The following LRIF1 variants were observed in gnomAD, a reference collection of about 807,000 sequenced individuals.
LRIF1 encodes the protein ligand-dependent nuclear receptor-interacting factor 1.
LRIF1 carries 32 observed loss-of-function variants against 52.7 expected under a neutral mutation model. That is an observed-to-expected ratio of 0.61 (90% CI 0.46 to 0.82). The LOEUF (loss-of-function observed/expected upper bound fraction) is 0.82, where lower values mean the gene tolerates loss of function less well. Ranked by LOEUF, LRIF1 falls within the 40% of genes least tolerant of loss-of-function variation. The pLI, the probability that LRIF1 is intolerant of heterozygous loss-of-function variation, is 0.00. For synonymous variants in LRIF1, 323 were observed against 317.4 expected, an observed-to-expected ratio of 1.02 and a Z score of -0.19; for missense variants, 887 against 892.0, an observed-to-expected ratio of 0.99 and a Z score of 0.07.
At chr1:110,934,126 AGTCCT>A in the LRIF1 span, among the ~76,000 whole-genome samples, 2 of 152,162 alleles carry the variant, frequency 1.3e-5, no homozygotes, top group African/African-American at 2.4e-5. Flanking sequence ...GGAAGGACCC[AGTCCT>A]GGCAGCATTC....
chr1:110,888,728 A>G, the LRIF1 span, among the ~76,000 whole-genome samples: 1 of 152,246 alleles, frequency 6.6e-6, no homozygotes, highest in Non-Finnish European at 1.5e-5. Context: ...TGTAATCCAT[A>G]TTGAAAAATT....
the LRIF1 span, among the ~76,000 whole-genome samples, chr1:110,897,274 C>T: frequency 7.2e-5 from 11 of 152,232 alleles, no homozygotes; most frequent in Non-Finnish European, 1.2e-4. Flanking sequence ...TATCTTCCAA[C>T]TAGACCGAAT....
At chr1:110,932,399 T>C in the LRIF1 span, among the ~76,000 whole-genome samples, 4 of 152,142 alleles carry the variant, frequency 2.6e-5, no homozygotes, top group African/African-American at 9.7e-5. Context: ...TGTAGTATAG[T>C]TTGAAGTCAG....
the LRIF1 span, chr1:110,894,847 G>C: frequency 2.6e-6 from 2 of 769,368 alleles, no homozygotes; most frequent in South Asian, 3.0e-5. Context: ...GTTCTGAGGA[G>C]ACCATTTGGA....
At chr1:110,908,921 CA>C in the LRIF1 span, among the ~76,000 whole-genome samples, 53 of 152,226 alleles carry the variant, frequency 3.5e-4, no homozygotes, top group Non-Finnish European at 5.1e-4. Flanking sequence ...TGACCATCCC[CA>C]AGCCACATTG....
At chr1:110,898,857 G>A in the LRIF1 span, among the ~76,000 whole-genome samples, 1 of 152,124 alleles carries the variant, frequency 6.6e-6, no homozygotes, top group East Asian at 1.9e-4. Flanking sequence ...GACCATCCTA[G>A]CAGCAAGGCT....
the LRIF1 span, among the ~76,000 whole-genome samples, chr1:110,879,249 T>C: frequency 3.9e-5 from 6 of 152,156 alleles, no homozygotes; most frequent in Non-Finnish European, 5.9e-5. Context: ...ATCCTGGAAA[T>C]AGTATCTCAT....
chr1:110,937,885 A>G, the LRIF1 span: 1 of 152,140 alleles, frequency 6.6e-6, no homozygotes, highest in African/African-American at 2.4e-5. Flanking sequence ...GAGCATTACA[A>G]CTGATACTGC....
At chr1:110,956,233 AGGTAGT>A (rs1183240006) in intron 1 of LRIF1, among the ~76,000 whole-genome samples, 4 of 152,304 alleles carry the variant, frequency 2.6e-5, no homozygotes, top group African/African-American at 9.6e-5. Context: ...ATGGGGAGAC[AGGTAGT>A]GGTTATGAAT....
chr1:110,879,168 G>C, the LRIF1 span, among the ~76,000 whole-genome samples: 1 of 152,128 alleles, frequency 6.6e-6, no homozygotes, highest in East Asian at 1.9e-4. Flanking sequence ...GGAATGGACT[G>C]GTAGGTAAGG....
chr1:110,923,865 A>G, the LRIF1 span, among the ~76,000 whole-genome samples: 2 of 152,174 alleles, frequency 1.3e-5, no homozygotes, highest in Non-Finnish European at 2.9e-5. Flanking sequence ...TGTAAGAAGT[A>G]GAACAAAATA....
chr1:110,891,323 T>G, the LRIF1 span: 6 of 1,060,450 alleles, frequency 5.7e-6, no homozygotes, highest in Non-Finnish European at 7.4e-6. Flanking sequence ...TCCCTGAACA[T>G]TTGTGCACTC....
At chr1:110,902,262 T>C in the LRIF1 span, among the ~76,000 whole-genome samples, 1 of 152,216 alleles carries the variant, frequency 6.6e-6, no homozygotes, top group Non-Finnish European at 1.5e-5. Flanking sequence ...AAGCCCTACA[T>C]GAGATGGCTC....
At chr1:110,894,419 C>T in the LRIF1 span, 6 of 1,578,684 alleles carry the variant, frequency 3.8e-6, no homozygotes, top group Non-Finnish European at 5.2e-6. Context: ...ATAAAGACAA[C>T]AACTTATTGT....
the LRIF1 span, among the ~76,000 whole-genome samples, chr1:110,926,649 A>G: frequency 2.2e-4 from 34 of 152,264 alleles, no homozygotes; most frequent in Non-Finnish European, 1.0e-4. Flanking sequence ...GAAGAAATGT[A>G]CCATGCTTAG....
the LRIF1 span, among the ~76,000 whole-genome samples, chr1:110,907,197 A>G: frequency 1.3e-5 from 2 of 152,164 alleles, no homozygotes; most frequent in African/African-American, 4.8e-5. Flanking sequence ...ATGATGGGAT[A>G]ATTTCCTGTT....
chr1:110,883,702 A>G, the LRIF1 span, among the ~76,000 whole-genome samples: 6 of 151,962 alleles, frequency 3.9e-5, no homozygotes. Flanking sequence ...AAGACTTTTA[A>G]ACTCCAAATT....
rs1383507276 is a variant in LRIF1 at position 110,963,734 on chromosome 1, G to T, written c.-46C>A. ...CACCTCATCCAGAAAAGTGGGAAGC[G>T]TGGGGCCGAGTTTCCCAATGGGGCG... On this transcript the variant is annotated 5_prime_UTR_variant, in exon 1 of 4. Transcript: ENST00000369763. The T allele has an allele frequency of 2.0e-6, 3 of 1,470,594 alleles. No homozygotes were observed. Among genetic ancestry groups the T allele is most frequent in the African/African-American group, 1.4e-5 (1 of 72,176 alleles). 91.1% of individuals were successfully genotyped at this position (1,470,594 alleles called of 1,614,324 possible).
intron 1 of LRIF1, among the ~76,000 whole-genome samples, chr1:110,956,576 A>G (rs1316166153): frequency 6.6e-6 from 1 of 152,212 alleles, no homozygotes; most frequent in Non-Finnish European, 1.5e-5. Flanking sequence ...GGCATTTAGA[A>G]AACAGGATGC....
Sources: gnomAD v4.1 joint callset for allele counts (sites outside exome capture counted in the v4.1 genomes callset) on GRCh38, gnomAD v4.1.1 for gene constraint, MANE v1.5 for transcripts, NCBI Gene and HGNC (gene_info 2026-07-23, HGNC 2026-07-21) for gene names.